FAM204A: variants seen among roughly 807,000 people sequenced by gnomAD.
The protein encoded by FAM204A is family with sequence similarity 204 member A.
In FAM204A, 16 loss-of-function variants were observed where a neutral mutation model predicts 35.4. The ratio of observed to expected loss-of-function variants is 0.45; its 90% CI spans 0.31 to 0.69. FAM204A has a LOEUF of 0.69. Among genes scored for constraint, FAM204A ranks in the 30% least tolerant of loss-of-function variants. The pLI is 0.07. For missense variants in FAM204A, 240 were observed against 265.7 expected, an observed-to-expected ratio of 0.90 and a Z score of 0.67; for synonymous variants, 76 against 86.9, an observed-to-expected ratio of 0.88 and a Z score of 0.70.
Position 118,325,283 on chromosome 10 carries a change from T to C in FAM204A, c.543+871A>G, listed in dbSNP as rs74164041. On this transcript the variant is annotated intron_variant, in intron 7 of 8. Coordinates refer to ENST00000369183, the MANE Select transcript of FAM204A (RefSeq NM_022063.3). ...TGCAACAGTATTTCCATAGAAGAAT[T>C]TGCTGAAATCACAGTTATCTCTGGT... Among the ~76,000 whole-genome samples, 1,390 of 152,190 alleles carry C rather than the reference T, an allele frequency of 9.1e-3. 20 individuals carry two copies. The highest frequency in any genetic ancestry group is 0.032 in the African/African-American group (1,331 of 41,528).
chr10:118,331,840 C>A (rs1846293287), intron 6 of FAM204A, among the ~76,000 whole-genome samples: 1 of 102,492 alleles, frequency 9.8e-6, no homozygotes, highest in Non-Finnish European at 2.0e-5. Flanking sequence ...AATTTTGTTA[C>A]CTTTATATAT....
rs1320147761 is a variant in FAM204A, at chr10:118,336,379, T to C, written c.37A>G (p.Ser13Gly). 1 of 1,613,704 alleles carries C rather than the reference T, an allele frequency of 6.2e-7. No homozygotes were observed. The highest frequency in any genetic ancestry group is 8.5e-7 in the Non-Finnish European group (1 of 1,179,812). The change falls in exon 3 of 9, where the codon AGT becomes GGT. Residue 13 changes from serine to glycine, a missense_variant. By Grantham distance (56) the Ser-to-Gly change is moderately conservative. This residue lies in a region of FAM204A where 232 missense variants were observed against 242.8 expected (regional missense o/e 0.96). Coordinates refer to ENST00000369183, the MANE Select transcript of FAM204A (RefSeq NM_022063.3). ...SGLLPPGLNE[S>G]DAESNSEDEA... Reference sequence around the variant, plus strand: ...TCTTCCGAGTTTGACTCAGCGTCACTTTCATTTAGGCCAGGAGGTAGCAGC... The same window carrying C: ...TCTTCCGAGTTTGACTCAGCGTCACCTTCATTTAGGCCAGGAGGTAGCAGC...
chr10:118,333,200 G>A (rs964371088), intron 6 of FAM204A, among the ~76,000 whole-genome samples: 2 of 152,174 alleles, frequency 1.3e-5, no homozygotes, highest in Admixed American at 6.5e-5. Flanking sequence ...AAGACTGCAC[G>A]ATAGACACAT....
chr10:118,337,926 T>C (rs748041517), intron 2 of FAM204A, among the ~76,000 whole-genome samples: 5 of 152,200 alleles, frequency 3.3e-5, no homozygotes, highest in Non-Finnish European at 5.9e-5. Context: ...TTGAAGTTTC[T>C]AATAATTGTG....
intron 7 of FAM204A, 72 bp from the exon 8 acceptor site, chr10:118,311,385 A>G: frequency 8.4e-7 from 1 of 1,186,854 alleles, no homozygotes; most frequent in Non-Finnish European, 1.2e-6. Flanking sequence ...CACTTATACA[A>G]ATAATTGAGA....
At chr10:118,337,490 TTTCTC>T (rs1846407758) in intron 2 of FAM204A, among the ~76,000 whole-genome samples, 2 of 152,218 alleles carry the variant, frequency 1.3e-5, no homozygotes, top group South Asian at 2.1e-4. Flanking sequence ...TGATAACAGA[TTTCTC>T]TTATCTTTTA....
chr10:118,313,449 C>T (rs1845983801), intron 7 of FAM204A, among the ~76,000 whole-genome samples: 1 of 152,132 alleles, frequency 6.6e-6, no homozygotes, highest in African/African-American at 2.4e-5. Flanking sequence ...ACTCACGTGG[C>T]TCCGAAACAA....
intron 7 of FAM204A, among the ~76,000 whole-genome samples, chr10:118,318,926 CTT>C (rs375940724): frequency 1.4e-5 from 2 of 140,954 alleles, no homozygotes. Flanking sequence ...TTGGGAAGGG[CTT>C]TTTTTTTTTT....
At chr10:118,328,034 A>G (rs1485169574) in intron 6 of FAM204A, among the ~76,000 whole-genome samples, 1 of 152,214 alleles carries the variant, frequency 6.6e-6, no homozygotes, top group African/African-American at 2.4e-5. Context: ...GAATTTCTCC[A>G]TAAGGAAAGT....
rs1372803352 is a variant in FAM204A, at chr10:118,300,363, C to T, written c.*10494G>A. 6 of 152,078 alleles carry T rather than the reference C, an allele frequency of 3.9e-5. No individual in the cohort carries two copies. The highest frequency in any genetic ancestry group is 2.1e-4 in the South Asian group (1 of 4,828). 9.4% of individuals were successfully genotyped at this position (152,078 alleles called of 1,614,324 possible). A position where few individuals can be genotyped will look rare whatever the true frequency, so the allele number is the denominator to read the frequency against. The stretch of plus-strand genomic sequence containing the variant: ...TATCTTGAAAGAAAAGATGAAAGGA[C>T]GTATTACTTCTTTTGTTCACTCAAG... On this transcript the variant is annotated 3_prime_UTR_variant, in exon 9 of 9. Transcript: ENST00000369183.
chr10:118,339,153 CA>C (rs1846433543), intron 2 of FAM204A, among the ~76,000 whole-genome samples: 1 of 152,070 alleles, frequency 6.6e-6, no homozygotes, highest in South Asian at 2.1e-4. Context: ...CTGTGACTCT[CA>C]AAAAAACAAA....
intron 6 of FAM204A, among the ~76,000 whole-genome samples, chr10:118,333,179 G>A (rs1457016284): frequency 6.6e-6 from 1 of 152,054 alleles, no homozygotes; most frequent in Non-Finnish European, 1.5e-5. Flanking sequence ...AAGAAAAAGG[G>A]GAGGAAAAAA....
rs932937440 is a variant in FAM204A, at chr10:118,298,641, C to A, written c.*12216G>T. ...GGACAAGATCTAGCTTGGAGCAGGT[C>A]GTAGCAGAGGACAGACATTTTACAA... On this transcript the variant is annotated 3_prime_UTR_variant, in exon 9 of 9. Transcript: ENST00000369183. The A allele has an allele frequency of 2.6e-5, 4 of 152,286 alleles. No homozygotes were observed. Among genetic ancestry groups the A allele is most frequent in the African/African-American group, 9.6e-5 (4 of 41,552 alleles). The allele number at this position is 152,286 out of a possible 1,614,324, so 9.4% of individuals were successfully genotyped here.
Position 118,310,825 on chromosome 10 carries a change from A to C in FAM204A, c.*32T>G, listed in dbSNP as rs536617254. On this transcript the variant is annotated 3_prime_UTR_variant, in exon 9 of 9. Coordinates refer to ENST00000369183, the MANE Select transcript of FAM204A (RefSeq NM_022063.3). ...ACATTCTCAGTAAATTGAGCATTTGAGTCTACAAATGTCTTGAAGCACTCT... is the reference window on the plus strand; with the variant it reads ...ACATTCTCAGTAAATTGAGCATTTGCGTCTACAAATGTCTTGAAGCACTCT... 2 of 1,546,684 alleles carry C rather than the reference A, an allele frequency of 1.3e-6. No individual in the cohort carries two copies. Among genetic ancestry groups the C allele is most frequent in the African/African-American group, 1.4e-5 (1 of 72,766 alleles).
At chr10:118,342,025 C>A (rs1008197721) in intron 1 of FAM204A, 98 bp from the exon 2 acceptor site, 3 of 152,268 alleles carry the variant, frequency 2.0e-5, no homozygotes, top group African/African-American at 7.2e-5. Flanking sequence ...GGACGGAGAA[C>A]CCCCTCCACA....
intron 2 of FAM204A, among the ~76,000 whole-genome samples, chr10:118,338,411 G>A (rs1044855494): frequency 2.0e-5 from 3 of 152,166 alleles, no homozygotes; most frequent in South Asian, 2.1e-4. Context: ...CTTGGCCACC[G>A]CCATATAATA....
Position 118,307,315 on chromosome 10 carries a change from T to C in FAM204A, c.*3542A>G, listed in dbSNP as rs997789665. 4 of 152,218 alleles carry C rather than the reference T, an allele frequency of 2.6e-5. No individual in the cohort carries two copies. The highest frequency in any genetic ancestry group is 2.1e-4 in the South Asian group (1 of 4,834). 9.4% of individuals were successfully genotyped at this position (152,218 alleles called of 1,614,324 possible). On this transcript the variant is annotated 3_prime_UTR_variant, in exon 9 of 9. Coordinates refer to ENST00000369183, the MANE Select transcript of FAM204A (RefSeq NM_022063.3). ...TGTCCAAATATTACTATTTGTTTCA[T>C]GAAAGTCAGAGCTAAGACTTTAGTA...
chr10:118,321,241 A>C (rs1263569221), intron 7 of FAM204A, among the ~76,000 whole-genome samples: 1 of 152,072 alleles, frequency 6.6e-6, no homozygotes, highest in East Asian at 1.9e-4. Flanking sequence ...ACTCACACTT[A>C]GTTCTCAAAA....
At position 118,298,786 on chromosome 10, in the gene FAM204A, CAAG is replaced by C. The variant is rs966813720; in HGVS notation, c.*12068_*12070del. On this transcript the variant is annotated 3_prime_UTR_variant, in exon 9 of 9. Coordinates refer to ENST00000369183, the MANE Select transcript of FAM204A (RefSeq NM_022063.3). The stretch of plus-strand genomic sequence containing the variant: ...ACTGTCACTATCTTCGGCATCCACC[CAAG>C]AGTGATCTAACCTTTGCAAAGCCTT... 1.3e-5 allele frequency: 2 copies of C among 152,210 alleles called. No individual in the cohort carries two copies. The highest frequency in any genetic ancestry group is 2.9e-5 in the Non-Finnish European group (2 of 68,046). 9.4% of individuals were successfully genotyped at this position (152,210 alleles called of 1,614,324 possible). A position where few individuals can be genotyped will look rare whatever the true frequency, so the allele number is the denominator to read the frequency against.
Sources: allele counts gnomAD v4.1 joint callset (sites outside exome capture counted in the v4.1 genomes callset), GRCh38; gene constraint gnomAD v4.1.1; regional missense constraint gnomAD v4.1.1; transcripts MANE v1.5; gene names NCBI Gene and HGNC (gene_info 2026-07-23, HGNC 2026-07-21).